The following KIF26B variants were observed in gnomAD, a reference collection of about 807,000 sequenced individuals.
The protein encoded by KIF26B is kinesin-like protein KIF26B.
Under a neutral mutation model 151.2 loss-of-function variants are expected in KIF26B, and 63 were observed. The ratio of observed to expected loss-of-function variants is 0.42; its 90% CI spans 0.34 to 0.51. The LOEUF is 0.51. KIF26B is among the 20% of genes least tolerant of loss of function. The pLI, the probability that KIF26B is intolerant of heterozygous loss-of-function variation, is 0.07. For synonymous variants in KIF26B, 1,357 were observed against 1,262.1 expected (o/e 1.08, Z -1.59); for missense variants, 2,813 against 2,913.6 (o/e 0.97, Z 0.79).
At chr1:245,409,690 A>C (rs1169538824) in intron 3 of KIF26B, among the ~76,000 whole-genome samples, 1 of 152,342 alleles carries the variant, frequency 6.6e-6, no homozygotes, top group East Asian at 1.9e-4. Flanking sequence ...GCCCTGGGAC[A>C]TAAGAATCCC....
chr1:245,226,293 C>T (rs1669871688), intron 2 of KIF26B, among the ~76,000 whole-genome samples: 1 of 152,198 alleles, frequency 6.6e-6, no homozygotes, highest in South Asian at 2.1e-4. Context: ...GATCAGCTGG[C>T]CTTCTCAGGT....
chr1:245,388,254 A>G (rs1448544290), intron 3 of KIF26B, among the ~76,000 whole-genome samples: 1 of 152,222 alleles, frequency 6.6e-6, no homozygotes, highest in Non-Finnish European at 1.5e-5. Context: ...GAGAAGATTT[A>G]CATGACCACT....
intron 3 of KIF26B, among the ~76,000 whole-genome samples, chr1:245,401,187 T>A (rs1673992593): frequency 6.6e-6 from 1 of 152,134 alleles, no homozygotes; most frequent in Non-Finnish European, 1.5e-5. Context: ...GGATTGGAGG[T>A]CTGATTAATA....
At chr1:245,380,358 A>G (rs956723784) in intron 3 of KIF26B, among the ~76,000 whole-genome samples, 5 of 152,226 alleles carry the variant, frequency 3.3e-5, no homozygotes, top group Non-Finnish European at 7.3e-5. Context: ...TCTATATTCA[A>G]GGCTGTGGCT....
intron 4 of KIF26B, among the ~76,000 whole-genome samples, chr1:245,450,169 G>A (rs1319678967): frequency 2.0e-5 from 3 of 152,130 alleles, no homozygotes; most frequent in Admixed American, 2.0e-4. Context: ...ACTGTTGCCT[G>A]GACTCGGTAT....
chr1:245,609,362 G>C lies in KIF26B; in HGVS notation c.1748G>C (p.Arg583Pro), dbSNP rs574005223. The stretch of plus-strand genomic sequence containing the variant: ...TGGCTCTTCAAGCTCATAAACGAAC[G>C]CAAGGAAAAGACCGGCGCCCGTTTC... ...ISWLFKLINERKEKTGARFSV... is the reference protein window; with the variant it reads ...ISWLFKLINEPKEKTGARFSV... Residue 583 changes from arginine to proline, a missense_variant, in exon 8 of 15, where the codon CGC (arginine) becomes CCC (proline). Physicochemically the swap from Arg to Pro is moderately radical, Grantham distance 103. Transcript: ENST00000407071. 1 of 1,610,668 alleles carries C rather than the reference G, an allele frequency of 6.2e-7. No individual in the cohort carries two copies. The highest frequency in any genetic ancestry group is 8.5e-7 in the Non-Finnish European group (1 of 1,178,548).
At chr1:245,275,092 T>C (rs184152969) in intron 2 of KIF26B, among the ~76,000 whole-genome samples, 1 of 152,096 alleles carries the variant, frequency 6.6e-6, no homozygotes. Context: ...GATGATGAGC[T>C]TTTTTTCATA....
chr1:245,236,192 T>C (rs976626670), intron 2 of KIF26B, among the ~76,000 whole-genome samples: 1 of 152,168 alleles, frequency 6.6e-6, no homozygotes, highest in Non-Finnish European at 1.5e-5. Flanking sequence ...CCTCCCAAAA[T>C]GTTGGGATTA....
Position 245,227,174 on chromosome 1 carries a change from G to A in KIF26B, c.465+70491G>A, listed in dbSNP as rs780470217. On this transcript the variant is annotated intron_variant, in intron 2 of 14. Transcript: ENST00000407071. The surrounding 1 kb of genome is among the most constrained non-coding windows in gnomAD (Gnocchi z 4.1). ...CAGATCCAGTTGCGGAGAGGCGTGTGTGTCTGTCTGGTTGAGCTGAAACGT... is the reference window on the plus strand; with the variant it reads ...CAGATCCAGTTGCGGAGAGGCGTGTATGTCTGTCTGGTTGAGCTGAAACGT... 6.6e-6 allele frequency among the ~76,000 whole-genome samples: 1 copy of A among 152,166 alleles called. No individual in the cohort carries two copies. The highest frequency in any genetic ancestry group is 2.1e-4 in the South Asian group (1 of 4,822).
intron 10 of KIF26B, among the ~76,000 whole-genome samples, chr1:245,666,938 G>A (rs756510245): frequency 8.5e-5 from 13 of 152,110 alleles, no homozygotes; most frequent in Non-Finnish European, 1.5e-4. Context: ...GGGCACAGCA[G>A]TGGTTCTGAC....
intron 4 of KIF26B, among the ~76,000 whole-genome samples, chr1:245,490,156 G>A (rs1423310196): frequency 2.6e-5 from 4 of 152,158 alleles, no homozygotes; most frequent in African/African-American, 9.7e-5. Flanking sequence ...GCAGGAAATA[G>A]TGTTGGGAGT....
At chr1:245,661,280 G>A (rs146687440) in intron 10 of KIF26B, among the ~76,000 whole-genome samples, 4,356 of 152,044 alleles carry the variant, frequency 0.029, 165 homozygotes, top group African/African-American at 0.088. Context: ...GAGCCACTGC[G>A]CCTGGCCCAT....
chr1:245,164,438 C>T (rs1454961616), intron 2 of KIF26B, among the ~76,000 whole-genome samples: 2 of 152,330 alleles, frequency 1.3e-5, no homozygotes, highest in South Asian at 2.1e-4. Flanking sequence ...TACTATGCCA[C>T]ATTATAATCC....
chr1:245,541,041 A>G (rs1661608974), intron 5 of KIF26B, 91 bp downstream of exon 5: 1 of 1,054,534 alleles, frequency 9.5e-7, no homozygotes, highest in Non-Finnish European at 1.4e-6. Flanking sequence ...CCAATGTATT[A>G]AAATAAGACG....
intron 5 of KIF26B, among the ~76,000 whole-genome samples, chr1:245,545,826 C>T (rs930486972): frequency 1.3e-5 from 2 of 152,114 alleles, no homozygotes; most frequent in African/African-American, 2.4e-5. Flanking sequence ...TTTGTTTGCA[C>T]AATTAATTAA....
At chr1:245,370,633 C>A (rs968602033) in intron 3 of KIF26B, 1 of 456,526 alleles carries the variant, frequency 2.2e-6, no homozygotes, top group African/African-American at 2.0e-5. Flanking sequence ...GGCGGCTGCG[C>A]CAGCGCTGAT....
intron 2 of KIF26B, among the ~76,000 whole-genome samples, chr1:245,316,025 A>G (rs1240799301): frequency 1.3e-5 from 2 of 152,212 alleles, no homozygotes; most frequent in African/African-American, 2.4e-5. Flanking sequence ...ACTGCACAGT[A>G]AAGTGTGGGC....
intron 2 of KIF26B, among the ~76,000 whole-genome samples, chr1:245,205,071 C>T (rs73127122): frequency 0.026 from 3,930 of 152,242 alleles, 145 homozygotes; most frequent in African/African-American, 0.084. Flanking sequence ...CTGGAGAGAG[C>T]CACTGTGCTG....
chr1:245,254,844 A>G (rs1164043134), intron 2 of KIF26B, among the ~76,000 whole-genome samples: 1 of 152,132 alleles, frequency 6.6e-6, no homozygotes, highest in Non-Finnish European at 1.5e-5. Context: ...TTGGAACTGT[A>G]TACCTTTCAG....
Sources: allele counts gnomAD v4.1 joint callset (sites outside exome capture counted in the v4.1 genomes callset), GRCh38; gene constraint gnomAD v4.1.1; non-coding constraint Gnocchi (gnomAD v3.1); transcripts MANE v1.5; gene names NCBI Gene and HGNC (gene_info 2026-07-23, HGNC 2026-07-21).